The following TBL2 variants were observed in gnomAD, a reference collection of about 807,000 sequenced individuals.
TBL2 encodes the protein transducin beta like 2.
TBL2 carries 33 observed loss-of-function variants against 41.8 expected under a neutral mutation model. That is an observed-to-expected ratio of 0.79 (90% CI 0.60 to 1.06). The LOEUF (loss-of-function observed/expected upper bound fraction) is 1.06, where lower values mean the gene tolerates loss of function less well. Among genes scored for constraint, TBL2 ranks in the 50% least tolerant of loss-of-function variants. The pLI is 0.00. For synonymous variants in TBL2, 239 were observed against 241.7 expected (o/e 0.99, Z 0.10); for missense variants, 522 against 603.8 (o/e 0.86, Z 1.42).
chr7:73,571,211 C>A lies in TBL2; in HGVS notation c.856G>T (p.Ala286Ser). Residue 286 changes from alanine (A) to serine (S), a missense_variant, in exon 6 of 7, where the codon GCT becomes TCT. Transcript: ENST00000305632. ...KGHSAAVHSF[A>S]FSNDSRRMAS... ...CACCTCCGTGAGTCGTTGGAGAAAG[C>A]AAACGAGTGCACAGCCGCGGAGTGG... is the stretch of plus-strand genomic sequence containing the variant. 6.2e-7 allele frequency: 1 copy of A among 1,614,264 alleles called. No individual in the cohort carries two copies. The highest frequency in any genetic ancestry group is 1.1e-5 in the South Asian group (1 of 91,090).
intron 1 of TBL2, 194 bp downstream of exon 1, chr7:73,578,226 C>T (rs894168157): frequency 9.4e-5 from 144 of 1,528,884 alleles, no homozygotes; most frequent in Non-Finnish European, 1.2e-4. Context: ...GCCAGTCCCG[C>T]CCCAGGAGGT....
rs1554588390 is a variant in TBL2, at chr7:73,574,173, G to C, written c.262-51C>G. ...CAATAGGAGCTCCTGGGGGAGATGG[G>C]GAAGCCAAACCTGGAGCCGGGGAGA... On this transcript the variant is annotated intron_variant, in intron 2 of 6. Transcript: ENST00000305632. The C allele has an allele frequency of 3.1e-6, 5 of 1,598,838 alleles. No homozygotes were observed. In the East Asian group the frequency reaches 6.7e-5, roughly 21 times the overall value.
rs2115962770 is a variant in TBL2 at position 73,573,362 on chromosome 7, T to C, written c.556A>G (p.Lys186Glu). ...ATGTCGATGACAGGCGCCTTGTGCT[T>C]TTTAGGGAAGTCCTCTGGGGTGGCT... ...FTATPEDFPK[K>E]HKAPVIDIGI... Residue 186 changes from lysine (K) to glutamate (E), a missense_variant, in exon 4 of 7, where the codon AAG (lysine) becomes GAG (glutamate). Physicochemically the swap from Lys to Glu is moderately conservative, Grantham distance 56. Coordinates refer to ENST00000305632, the MANE Select transcript of TBL2 (RefSeq NM_012453.4). 1 of 1,614,176 alleles carries C rather than the reference T, an allele frequency of 6.2e-7. No homozygotes were observed. Among genetic ancestry groups the C allele is most frequent in the South Asian group, 1.1e-5 (1 of 91,080 alleles).
In TBL2 at chr7:73,569,487, G is replaced by A. The variant is rs1267106102; in HGVS notation, c.*1020C>T. On this transcript the variant is annotated 3_prime_UTR_variant, in exon 7 of 7. Coordinates refer to ENST00000305632, the MANE Select transcript of TBL2 (RefSeq NM_012453.4). ...TCACAAATTTAAACTTCTCAATACC[G>A]ACTCTCTTATCAAATGTACCCCTTC... 3.9e-5 allele frequency: 6 copies of A among 152,070 alleles called. No homozygotes were observed. Among genetic ancestry groups the A allele is most frequent in the African/African-American group, 1.4e-4 (6 of 41,390 alleles). 9.4% of individuals were successfully genotyped at this position (152,070 alleles called of 1,614,324 possible).
At position 73,570,635 on chromosome 7, in the gene TBL2, G is replaced by A. The variant is rs371947470; in HGVS notation, c.1216C>T (p.Arg406Ter). Reference sequence around the variant, plus strand: ...CCCTGCATCTCCTCCACCATGGCTCGGTGGCCAGGAGTGTTGTGAAACAGC... The same window carrying A: ...CCCTGCATCTCCTCCACCATGGCTCAGTGGCCAGGAGTGTTGTGAAACAGC... The part of the protein sequence containing the change: ...VRLFHNTPGH[R>*]AMVEEMQGHL... The change falls in exon 7 of 7, where the codon CGA (arginine) becomes TGA (stop). Residue 406 changes from arginine to a stop codon, truncating the protein, a stop_gained. Transcript: ENST00000305632. LOFTEE classifies it high-confidence loss of function. The A allele has an allele frequency of 5.0e-6, 8 of 1,613,628 alleles. No individual in the cohort carries two copies. Among genetic ancestry groups the A allele is most frequent in the East Asian group, 4.5e-5 (2 of 44,884 alleles).
chr7:73,576,732 C>T (rs1793346704), intron 1 of TBL2: 1 of 456,434 alleles, frequency 2.2e-6, no homozygotes, highest in Admixed American at 2.4e-5. Context: ...AATCTGTCCT[C>T]TGCTTCCTTC....
chr7:73,577,031 G>A (rs1455603555), intron 1 of TBL2, among the ~76,000 whole-genome samples: 1 of 152,016 alleles, frequency 6.6e-6, no homozygotes, highest in African/African-American at 2.4e-5. Context: ...GCCGAGGCAG[G>A]TGGATCACAA....
In TBL2 at chr7:73,568,735, T is replaced by C. The variant is rs1792747380; in HGVS notation, c.*1772A>G. Reference sequence around the variant, plus strand: ...TGAGGTCAGGAGTTCGAGAGCAGCCTGGCCAACATCGTGAAACCCTGTCTC... The same window carrying C: ...TGAGGTCAGGAGTTCGAGAGCAGCCCGGCCAACATCGTGAAACCCTGTCTC... On this transcript the variant is annotated 3_prime_UTR_variant, in exon 7 of 7. Transcript: ENST00000305632. Among the ~76,000 whole-genome samples the C allele has an allele frequency of 6.6e-6, 1 of 152,136 alleles. No individual in the cohort carries two copies. Among genetic ancestry groups the C allele is most frequent in the Non-Finnish European group, 1.5e-5 (1 of 68,032 alleles).
chr7:73,571,951 CTTGGG>C (rs1792984856), intron 5 of TBL2: 2 of 159,144 alleles, frequency 1.3e-5, no homozygotes, highest in East Asian at 3.8e-4. Flanking sequence ...ATCCCAGCTA[CTTGGG>C]GGAGGCTGAG....
rs1554589527 is a variant in TBL2, at chr7:73,578,478, C to T, written c.72G>A (p.Thr24=). 6.3e-7 allele frequency: 1 copy of T among 1,577,704 alleles called. No individual in the cohort carries two copies. The highest frequency in any genetic ancestry group is 1.8e-5 in the Admixed American group (1 of 56,814). The part of the protein sequence containing the change: ...VLLGLLALMA[T]AAVARGWLRA... ...GCAGCCACCCCCGCGCTACCGCCGCCGTCGCCATCAGGGCCAGCAGCCCAA... is the reference window on the plus strand; with the variant it reads ...GCAGCCACCCCCGCGCTACCGCCGCTGTCGCCATCAGGGCCAGCAGCCCAA... The change falls in exon 1 of 7, where the codon ACG becomes ACA. Residue 24 remains threonine, a synonymous_variant. Coordinates refer to ENST00000305632, the MANE Select transcript of TBL2 (RefSeq NM_012453.4).
At chr7:73,573,207 C>A in intron 4 of TBL2, 113 bp downstream of exon 4, 1 of 1,498,398 alleles carries the variant, frequency 6.7e-7, no homozygotes, top group Non-Finnish European at 9.1e-7. Flanking sequence ...CCAGGGACCC[C>A]TTGTTCCTCT....
Position 73,570,860 on chromosome 7 carries a change from C to T in TBL2, c.991G>A (p.Gly331Ser). The change falls in exon 7 of 7, where the codon GGT (glycine) becomes AGT (serine). Residue 331 changes from glycine to serine, a missense_variant. Transcript: ENST00000305632. The stretch of plus-strand genomic sequence containing the variant: ...AGGGCCAGGCGGCACGGCGCGGCAC[C>T]CGCCGCCTCTTCAAAGCGGCCTGTC... ...LKTGRFEEAA[G>S]AAPCRLALSP... is the part of the protein sequence containing the mutation. 6.2e-7 allele frequency: 1 copy of T among 1,613,814 alleles called. No homozygotes were observed. The highest frequency in any genetic ancestry group is 1.3e-5 in the African/African-American group (1 of 75,062).
intron 5 of TBL2, among the ~76,000 whole-genome samples, chr7:73,572,444 CAACAAACA>C (rs782453224): frequency 6.6e-6 from 1 of 152,028 alleles, no homozygotes; most frequent in Non-Finnish European, 1.5e-5. Context: ...GAAACCGTCT[CAACAAACA>C]AACAAACAAA....
rs1792843413 is a variant in TBL2, at chr7:73,570,335, A to G, written c.*172T>C. On this transcript the variant is annotated 3_prime_UTR_variant, in exon 7 of 7. Coordinates refer to ENST00000305632, the MANE Select transcript of TBL2 (RefSeq NM_012453.4). The stretch of plus-strand genomic sequence containing the variant: ...CAGGGAGGAGTCACAGCCAGCAAGA[A>G]GAGAGAGACCTAAGTAGACAAGAGT... The G allele has an allele frequency of 2.5e-6, 3 of 1,212,898 alleles. No homozygotes were observed. The highest frequency in any genetic ancestry group is 3.5e-5 in the Admixed American group (1 of 28,922). 75.1% of individuals were successfully genotyped at this position (1,212,898 alleles called of 1,614,324 possible). A position where few individuals can be genotyped will look rare whatever the true frequency, so the allele number is the denominator to read the frequency against.
At chr7:73,572,999 C>T (rs781868554) in intron 4 of TBL2, 29 bp from the exon 5 acceptor site, 26 of 1,613,652 alleles carry the variant, frequency 1.6e-5, no homozygotes, top group Non-Finnish European at 2.2e-5. Flanking sequence ...ATGTGGGTCA[C>T]GGGCAGTGAC....
At chr7:73,571,617 G>A (rs534154264) in intron 5 of TBL2, 30 of 362,394 alleles carry the variant, frequency 8.3e-5, no homozygotes, top group African/African-American at 4.0e-4. Flanking sequence ...TTAGCCAGGC[G>A]TGGTGGCGCA....
At chr7:73,578,152 G>T in intron 1 of TBL2, 4 of 1,204,824 alleles carry the variant, frequency 3.3e-6, no homozygotes, top group Non-Finnish European at 4.5e-6. Flanking sequence ...GTGCTCTCCT[G>T]GCCACCCCGG....
chr7:73,577,209 G>A (rs1296122803), intron 1 of TBL2, among the ~76,000 whole-genome samples: 2 of 141,848 alleles, frequency 1.4e-5, no homozygotes, highest in African/African-American at 5.2e-5. Flanking sequence ...GCAGTGAGCC[G>A]AGATCCCGCC....
Position 73,578,448 on chromosome 7 carries a change from C to A in TBL2, c.102G>T (p.Ala34=). The change falls in exon 1 of 7, where the codon GCG becomes GCT. Residue 34 remains alanine (A), a synonymous_variant. Transcript: ENST00000305632. The part of the protein sequence containing the change: ...TAAVARGWLR[A]GEERSGRPAC... ...CGGGCCGGCCGCTCCTCTCCTCCCCCGCGCGCAGCCACCCCCGCGCTACCG... is the reference window on the plus strand; with the variant it reads ...CGGGCCGGCCGCTCCTCTCCTCCCCAGCGCGCAGCCACCCCCGCGCTACCG... 2 of 1,545,988 alleles carry A rather than the reference C, an allele frequency of 1.3e-6. No individual in the cohort carries two copies. The highest frequency in any genetic ancestry group is 1.7e-6 in the Non-Finnish European group (2 of 1,149,114).
Sources: gnomAD v4.1 joint callset for allele counts (sites outside exome capture counted in the v4.1 genomes callset) on GRCh38, gnomAD v4.1.1 for gene constraint, MANE v1.5 for transcripts, NCBI Gene and HGNC (gene_info 2026-07-23, HGNC 2026-07-21) for gene names.